RPS6KA6: variants seen among roughly 807,000 people sequenced by gnomAD.
RPS6KA6 encodes ribosomal protein S6 kinase alpha-6.
RPS6KA6 carries 27 observed loss-of-function variants against 65.4 expected under a neutral mutation model. That is an observed-to-expected ratio of 0.41 (90% CI 0.30 to 0.57). RPS6KA6 has a LOEUF of 0.57. Among genes scored for constraint, RPS6KA6 ranks in the 20% least tolerant of loss-of-function variants. RPS6KA6 has a pLI of 0.24. For missense variants in RPS6KA6, 486 were observed against 555.6 expected, an observed-to-expected ratio of 0.87 and a Z score of 1.26; for synonymous variants, 190 against 184.2, an observed-to-expected ratio of 1.03 and a Z score of -0.26.
At chrX:84,135,263 T>G in intron 6 of RPS6KA6, 53 bp from the exon 7 acceptor site, 2 of 828,836 alleles carry the variant, frequency 2.4e-6, no homozygotes, top group Non-Finnish European at 3.5e-6. Flanking sequence ...ATTCAGTATA[T>G]TTAAAAATAC....
chrX:84,164,144 A>T (rs1417632959), intron 2 of RPS6KA6, among the ~76,000 whole-genome samples, 184 bp downstream of exon 2: 1 of 112,357 alleles, frequency 8.9e-6, no homozygotes, highest in Non-Finnish European at 1.9e-5. Context: ...AAATGCATGC[A>T]TAAGTATTTC....
chrX:84,117,218 G>T (rs983252406), intron 10 of RPS6KA6, 70 bp from the exon 11 acceptor site: 2 of 902,249 alleles, frequency 2.2e-6, no homozygotes, highest in African/African-American at 4.0e-5. Flanking sequence ...ATCTCAAAAA[G>T]AACTTTTAAA....
intron 20 of RPS6KA6, among the ~76,000 whole-genome samples, chrX:84,068,052 T>A (rs962058404): frequency 2.7e-5 from 3 of 111,513 alleles, no homozygotes; most frequent in African/African-American, 6.5e-5. Flanking sequence ...TAAAATCCTT[T>A]CCAGACAAGC....
chrX:84,126,209 C>T (rs999769885), intron 8 of RPS6KA6, among the ~76,000 whole-genome samples: 4 of 110,760 alleles, frequency 3.6e-5, no homozygotes, highest in African/African-American at 1.3e-4. Flanking sequence ...TTATATCATA[C>T]AAAATAGATT....
chrX:84,182,771 C>G (rs2035875853), intron 1 of RPS6KA6, among the ~76,000 whole-genome samples: 1 of 111,728 alleles, frequency 9.0e-6, no homozygotes, highest in Admixed American at 9.5e-5. Flanking sequence ...CCCTCTGACT[C>G]CTCCCCGCTT....
chrX:84,182,778 G>T (rs905528177), intron 1 of RPS6KA6, among the ~76,000 whole-genome samples: 1 of 111,559 alleles, frequency 9.0e-6, no homozygotes, highest in African/African-American at 3.3e-5. Context: ...ACTCCTCCCC[G>T]CTTGTCTATT....
At chrX:84,121,973 G>A (rs190056775) in intron 8 of RPS6KA6, among the ~76,000 whole-genome samples, 3 of 112,345 alleles carry the variant, frequency 2.7e-5, no homozygotes, top group Non-Finnish European at 3.8e-5. Flanking sequence ...AGGAGGAAAC[G>A]ATGGAGCAAG....
chrX:84,157,748 A>G (rs1012687301), intron 2 of RPS6KA6, among the ~76,000 whole-genome samples: 1 of 111,140 alleles, frequency 9.0e-6, no homozygotes, highest in African/African-American at 3.3e-5. Flanking sequence ...GATTATCACT[A>G]TAAGTATTGG....
chrX:84,111,933 G>A (rs946352518), intron 12 of RPS6KA6, among the ~76,000 whole-genome samples: 1 of 111,502 alleles, frequency 9.0e-6, no homozygotes, highest in Non-Finnish European at 1.9e-5. Flanking sequence ...CTGCCAAAAA[G>A]AGACCCACAG....
rs967408295 is a variant in RPS6KA6, at chrX:84,062,069, G to C, written c.*2208C>G. ...AAACAATTATCGGGTACATCCAGTA[G>C]CATACCTGTATCTTTTATACACTGT... On this transcript the variant is annotated 3_prime_UTR_variant, in exon 22 of 22. Transcript: ENST00000262752. The C allele has an allele frequency of 1.9e-4, 21 of 111,505 alleles. No individual in the cohort carries two copies. In the Admixed American group the frequency reaches 2.0e-3, roughly 11 times the overall value. The allele number at this position is 111,505 out of a possible 1,213,427, so 9.2% of individuals were successfully genotyped here. A position where few individuals can be genotyped will look rare whatever the true frequency, so the allele number is the denominator to read the frequency against.
At chrX:84,172,498 C>A (rs1403418731) in intron 1 of RPS6KA6, among the ~76,000 whole-genome samples, 1 of 111,805 alleles carries the variant, frequency 8.9e-6, no homozygotes, top group African/African-American at 3.3e-5. Context: ...GAAATTGGAA[C>A]CTCTGTGCAC....
At chrX:84,151,848 A>C (rs2035332709) in intron 3 of RPS6KA6, among the ~76,000 whole-genome samples, 1 of 112,148 alleles carries the variant, frequency 8.9e-6, no homozygotes, top group Non-Finnish European at 1.9e-5. Flanking sequence ...CACTGCCTTG[A>C]TTGGCCAACA....
intron 9 of RPS6KA6, among the ~76,000 whole-genome samples, chrX:84,118,976 G>A (rs755892018): frequency 1.9e-4 from 21 of 111,442 alleles, no homozygotes; most frequent in South Asian, 7.5e-4. Flanking sequence ...AGTCAAACTG[G>A]TTCTCCAAGT....
chrX:84,126,445 G>A lies in RPS6KA6; in HGVS notation c.647-6418C>T, dbSNP rs768047647. Among the ~76,000 whole-genome samples the A allele has an allele frequency of 9.8e-4, 109 of 111,441 alleles. 1 individual carries two copies. The South Asian group carries it at 0.012, about 12-fold the overall frequency. On this transcript the variant is annotated intron_variant, in intron 8 of 21. Transcript: ENST00000262752. ...CAGCATTGGACAGATCTCCCAGACA[G>A]AAAACTCAACAATGAAATATCGAAC... is the stretch of plus-strand genomic sequence containing the variant.
chrX:84,069,036 C>T (rs1428152357), intron 20 of RPS6KA6, among the ~76,000 whole-genome samples: 1 of 112,124 alleles, frequency 8.9e-6, no homozygotes, highest in Non-Finnish European at 1.9e-5. Context: ...CTACCACTGA[C>T]TTTCTTTGCA....
intron 10 of RPS6KA6, 39 bp downstream of exon 10, chrX:84,117,345 A>G: frequency 1.1e-6 from 1 of 932,576 alleles, no homozygotes; most frequent in Non-Finnish European, 1.5e-6. Context: ...AAAGCAAGAG[A>G]TTTTTTTCCC....
rs2033330147 is a variant in RPS6KA6, at chrX:84,063,239, A to G, written c.*1038T>C. 8.9e-6 allele frequency: 1 copy of G among 111,752 alleles called. No individual in the cohort carries two copies. The highest frequency in any genetic ancestry group is 9.6e-5 in the Admixed American group (1 of 10,459). 9.2% of individuals were successfully genotyped at this position (111,752 alleles called of 1,213,427 possible). The stretch of plus-strand genomic sequence containing the variant: ...AAAGTTTACTGTAATACAATATACT[A>G]TATCATGTGTGCTATATGCACAAGT... On this transcript the variant is annotated 3_prime_UTR_variant, in exon 22 of 22. Transcript: ENST00000262752.
intron 1 of RPS6KA6, among the ~76,000 whole-genome samples, chrX:84,181,213 A>G (rs1463792833): frequency 8.9e-6 from 1 of 111,737 alleles, no homozygotes; most frequent in Non-Finnish European, 1.9e-5. Context: ...GGGTTTTGAA[A>G]TTTTTTGTTA....
At chrX:84,175,650 C>A (rs1224037067) in intron 1 of RPS6KA6, among the ~76,000 whole-genome samples, 33 of 110,956 alleles carry the variant, frequency 3.0e-4, no homozygotes, top group African/African-American at 1.0e-3. Context: ...TGGGAAAGAT[C>A]TATTAGTGAA....
Sources: allele counts gnomAD v4.1 joint callset (sites outside exome capture counted in the v4.1 genomes callset), GRCh38; gene constraint gnomAD v4.1.1; transcripts MANE v1.5; gene names NCBI Gene and HGNC (gene_info 2026-07-23, HGNC 2026-07-21).